Variants in NIPA1 observed in about 807,000 individuals in gnomAD.
NIPA1 encodes NIPA magnesium transporter 1.
In NIPA1, 13 loss-of-function variants were observed where a neutral mutation model predicts 23.9. The observed-to-expected ratio is 0.54, with a 90% CI of 0.35 to 0.87. The LOEUF (loss-of-function observed/expected upper bound fraction) is 0.87, where lower values mean the gene tolerates loss of function less well. Ranked by LOEUF, NIPA1 falls within the 40% of genes least tolerant of loss-of-function variation. The pLI is 0.01. For missense variants in NIPA1, 362 were observed against 429.7 expected (o/e 0.84, Z 1.39); for synonymous variants, 234 against 202.9 (o/e 1.15, Z -1.30).
intron 1 of NIPA1, among the ~76,000 whole-genome samples, chr15:22,796,845 C>G (rs1179163305): frequency 2.0e-5 from 3 of 152,054 alleles, no homozygotes; most frequent in Non-Finnish European, 2.9e-5. Context: ...GGGCTCTTTA[C>G]TGTGATATAA....
intron 1 of NIPA1, among the ~76,000 whole-genome samples, chr15:22,805,985 G>C (rs1319322377): frequency 6.6e-6 from 1 of 151,902 alleles, no homozygotes; most frequent in African/African-American, 2.4e-5. Context: ...GTGCAGTGGC[G>C]CGATCTCGGC....
rs35223839 is a variant in NIPA1 at position 22,803,503 on chromosome 15, C to CTTTT, written c.179-7226_179-7223dup. On this transcript the variant is annotated intron_variant, in intron 1 of 4. Transcript: ENST00000337435. ...TGCCTTTTCATTTTCTTAAAAGTGCCTTTTTTTTTTTTTTTTTTTTTTTGA... is the reference window on the plus strand; with the variant it reads ...TGCCTTTTCATTTTCTTAAAAGTGCCTTTTTTTTTTTTTTTTTTTTTTTTTTTGA... 3.8e-3 allele frequency among the ~76,000 whole-genome samples: 265 copies of CTTTT among 69,378 alleles called. 21 individuals are homozygous for CTTTT. Among genetic ancestry groups the CTTTT allele is most frequent in the East Asian group, 0.014 (31 of 2,140 alleles). 45.5% of individuals were successfully genotyped at this position (69,378 alleles called of 152,430 possible). A position where few individuals can be genotyped will look rare whatever the true frequency, so the allele number is the denominator to read the frequency against.
chr15:22,824,072 G>A lies in NIPA1; in HGVS notation c.823G>A (p.Ala275Thr). ...CGTGTTTACCACGCTGGTCCTGCTG[G>A]CCTCAGCCATCCTCTTCCGGGAGTG... ...YVVFTTLVLL[A>T]SAILFREWSN... Residue 275 changes from alanine (A) to threonine (T), a missense_variant, in exon 5 of 5, where the codon GCC becomes ACC. By Grantham distance (58) the Ala-to-Thr change is moderately conservative (BLOSUM62 0). Around this residue, in one of 2 missense-constraint regions of NIPA1, gnomAD observed 277 missense variants for 372.0 expected, o/e 0.74. Coordinates refer to ENST00000337435, the MANE Select transcript of NIPA1 (RefSeq NM_144599.5). The surrounding 1 kb of genome is among the most constrained non-coding windows in gnomAD (Gnocchi z 4.1). The A allele has an allele frequency of 6.2e-7, 1 of 1,614,136 alleles. No individual in the cohort carries two copies. The highest frequency in any genetic ancestry group is 8.5e-7 in the Non-Finnish European group (1 of 1,179,990).
At chr15:22,815,120 C>G (rs1183230271) in intron 3 of NIPA1, among the ~76,000 whole-genome samples, 1 of 151,988 alleles carries the variant, frequency 6.6e-6, no homozygotes, top group African/African-American at 2.4e-5. Context: ...AAAAAAAAAT[C>G]CATTTTAGCA....
chr15:22,789,388 C>T (rs1403598033), intron 1 of NIPA1, among the ~76,000 whole-genome samples: 1 of 152,176 alleles, frequency 6.6e-6, no homozygotes, highest in Non-Finnish European at 1.5e-5. Flanking sequence ...CTCTATGACT[C>T]TTCAGAGCCT....
rs1895651741 is a variant in NIPA1 at position 22,826,327 on chromosome 15, A to G, written c.*2088A>G. ...GATGGTTAACAAATGCTCAAAGTCC[A>G]TTACTCTTTTTATTGGCTCTTGCAG... On this transcript the variant is annotated 3_prime_UTR_variant, in exon 5 of 5. Transcript: ENST00000337435. 1 of 152,182 alleles carries G rather than the reference A, an allele frequency of 6.6e-6. No homozygotes were observed. The highest frequency in any genetic ancestry group is 2.1e-4 in the South Asian group (1 of 4,832). 9.4% of individuals were successfully genotyped at this position (152,182 alleles called of 1,614,324 possible). A position where few individuals can be genotyped will look rare whatever the true frequency, so the allele number is the denominator to read the frequency against.
At chr15:22,816,178 A>ATTTTTTTTTTT (rs71117481) in intron 3 of NIPA1, among the ~76,000 whole-genome samples, 1 of 77,458 alleles carries the variant, frequency 1.3e-5, no homozygotes, top group African/African-American at 5.3e-5. Context: ...AGAAGACCTG[A>ATTTTTTTTTTT]TTTTTTTTTT....
intron 1 of NIPA1, among the ~76,000 whole-genome samples, chr15:22,793,766 C>T (rs1199218556): frequency 1.3e-5 from 2 of 152,052 alleles, no homozygotes; most frequent in South Asian, 2.1e-4. Context: ...CATAGAGGTC[C>T]GGTTTTATTT....
chr15:22,787,455 A>G (rs1305712740), intron 1 of NIPA1, among the ~76,000 whole-genome samples: 1 of 152,210 alleles, frequency 6.6e-6, no homozygotes, highest in Non-Finnish European at 1.5e-5. Flanking sequence ...GCACCAAATG[A>G]ATACAAGTGA....
intron 1 of NIPA1, among the ~76,000 whole-genome samples, chr15:22,802,569 G>A (rs1034529341): frequency 3.3e-5 from 5 of 151,794 alleles, no homozygotes; most frequent in Admixed American, 6.6e-5. Context: ...AAGTATTGGG[G>A]TATAATTGCA....
chr15:22,802,963 T>G (rs1252822382), intron 1 of NIPA1, among the ~76,000 whole-genome samples: 3 of 152,044 alleles, frequency 2.0e-5, no homozygotes, highest in African/African-American at 2.4e-5. Context: ...TTTTTTTTTT[T>G]GGGTGGGTGG....
intron 3 of NIPA1, chr15:22,813,982 A>G (rs1792419057): frequency 2.0e-6 from 1 of 512,266 alleles, no homozygotes; most frequent in South Asian, 1.5e-5. Flanking sequence ...GAATGCACAT[A>G]TACTAAAATG....
chr15:22,787,014 C>T (rs1894722388), intron 1 of NIPA1, among the ~76,000 whole-genome samples, 180 bp downstream of exon 1: 1 of 151,764 alleles, frequency 6.6e-6, no homozygotes, highest in African/African-American at 2.4e-5. Context: ...CCGCCGCGTC[C>T]TGGCGCTCGG....
At chr15:22,804,109 T>C in intron 1 of NIPA1, among the ~76,000 whole-genome samples, 1 of 152,162 alleles carries the variant, frequency 6.6e-6, no homozygotes, top group South Asian at 2.1e-4. Context: ...CCTGAGTAGC[T>C]GGGATTACAG....
chr15:22,811,386 T>G (rs1006723777), intron 2 of NIPA1, among the ~76,000 whole-genome samples: 3 of 152,096 alleles, frequency 2.0e-5, no homozygotes, highest in Admixed American at 2.0e-4. Flanking sequence ...GACAGGTGGA[T>G]TGTTTGAGCC....
intron 1 of NIPA1, among the ~76,000 whole-genome samples, chr15:22,798,970 C>A (rs759002574): frequency 1.3e-5 from 2 of 151,590 alleles, no homozygotes; most frequent in African/African-American, 4.9e-5. Flanking sequence ...CACCCATACA[C>A]TGTGGGTGGC....
chr15:22,798,857 A>AAC, intron 1 of NIPA1, among the ~76,000 whole-genome samples: 1 of 151,480 alleles, frequency 6.6e-6, no homozygotes, highest in East Asian at 1.9e-4. Context: ...AAAAAAAAAA[A>AAC]AAAAACCTCT....
intron 2 of NIPA1, 58 bp downstream of exon 2, chr15:22,810,854 CTGGGCAGGGCTGGA>C: frequency 7.5e-7 from 1 of 1,326,886 alleles, no homozygotes; most frequent in Non-Finnish European, 1.1e-6. Context: ...CATCACTGGT[CTGGGCAGGGCTGGA>C]GTGGCTGGGC....
Position 22,786,697 on chromosome 15 carries a change from CGGCGG to C in NIPA1, c.42_46del (p.Ala15ArgfsTer6). ...GCGGCAGCGGCGGCGGCGGCGGCGG[CGGCGG>C]CCGGGGAGGGGGCGCGTAGCCCGAG... On this transcript the variant is annotated frameshift_variant, in exon 1 of 5. Transcript: ENST00000337435. LOFTEE classifies it high-confidence loss of function. The C allele has an allele frequency of 8.9e-7, 1 of 1,124,178 alleles. No homozygotes were observed. The highest frequency in any genetic ancestry group is 3.1e-5 in the South Asian group (1 of 31,800). The allele number at this position is 1,124,178 out of a possible 1,614,324, so 69.6% of individuals were successfully genotyped here.
Sources: gnomAD v4.1 joint callset for allele counts (sites outside exome capture counted in the v4.1 genomes callset) on GRCh38, gnomAD v4.1.1 for gene constraint, gnomAD v4.1.1 regional missense constraint, Gnocchi (gnomAD v3.1) non-coding constraint, MANE v1.5 for transcripts, NCBI Gene and HGNC (gene_info 2026-07-23, HGNC 2026-07-21) for gene names.